POU2F1: variants seen among roughly 807,000 people sequenced by gnomAD.
The protein encoded by POU2F1 is POU class 2 homeobox 1, also known as POU domain, class 2, transcription factor 1.
POU2F1 carries 16 observed loss-of-function variants against 84.9 expected under a neutral mutation model. That is an observed-to-expected ratio of 0.19 (90% CI 0.13 to 0.29). POU2F1 has a LOEUF of 0.29. POU2F1 is among the 10% of genes least tolerant of loss of function. POU2F1 has a pLI of 1.00. For missense variants in POU2F1, 738 were observed against 942.6 expected (o/e 0.78, Z 2.84); for synonymous variants, 368 against 368.3 (o/e 1.00, Z 0.01).
intron 12 of POU2F1, among the ~76,000 whole-genome samples, chr1:167,399,614 A>G (rs1180482445): frequency 1.3e-5 from 2 of 151,766 alleles, no homozygotes; most frequent in South Asian, 2.1e-4. Context: ...GGAGGGTGAA[A>G]TCTCGTGTTG....
intron 1 of POU2F1, among the ~76,000 whole-genome samples, chr1:167,273,924 T>C (rs1652547242): frequency 6.6e-6 from 1 of 152,238 alleles, no homozygotes; most frequent in Non-Finnish European, 1.5e-5. Context: ...ATGTGTTTTA[T>C]TTTCTTCCTG....
At chr1:167,288,859 A>C (rs989970053) in intron 1 of POU2F1, among the ~76,000 whole-genome samples, 1 of 152,156 alleles carries the variant, frequency 6.6e-6, no homozygotes, top group African/African-American at 2.4e-5. Context: ...AGATTTCACA[A>C]TCATTAAATA....
At chr1:167,333,267 C>G (rs1277229739) in intron 2 of POU2F1, among the ~76,000 whole-genome samples, 2 of 152,076 alleles carry the variant, frequency 1.3e-5, no homozygotes, top group Non-Finnish European at 2.9e-5. Context: ...CAGTATATTG[C>G]TTAGAGGATG....
intron 1 of POU2F1, among the ~76,000 whole-genome samples, chr1:167,229,764 G>C (rs1171832043): frequency 6.6e-6 from 1 of 152,128 alleles, no homozygotes; most frequent in African/African-American, 2.4e-5. Flanking sequence ...GATTCTGTGG[G>C]GCACCTGACT....
intron 1 of POU2F1, among the ~76,000 whole-genome samples, chr1:167,222,651 A>C (rs1024003887): frequency 6.6e-6 from 1 of 152,004 alleles, no homozygotes; most frequent in Middle Eastern, 3.2e-3. Flanking sequence ...ACCAACTTCC[A>C]CACACTTTCC....
intron 12 of POU2F1, 113 bp from the exon 13 acceptor site, chr1:167,401,338 A>T (rs573708287): frequency 3.2e-6 from 2 of 630,168 alleles, no homozygotes; most frequent in African/African-American, 3.7e-5. Flanking sequence ...GCAGCTTTCC[A>T]ACATAGGATG....
rs140796646 is a variant in POU2F1, at chr1:167,374,018, C to A, written c.403-90C>A. ...AAGTTGGGTAGCTGGGGACTGATATCATTTGAGTTACCTATTTTAAAGCAG... is the reference window on the plus strand; with the variant it reads ...AAGTTGGGTAGCTGGGGACTGATATAATTTGAGTTACCTATTTTAAAGCAG... On this transcript the variant is annotated intron_variant, in intron 5 of 15. Transcript: ENST00000367866. 10 of 1,246,740 alleles carry A rather than the reference C, an allele frequency of 8.0e-6. No homozygotes were observed. The East Asian group carries it at 2.3e-4, about 29-fold the overall frequency. 77.2% of individuals were successfully genotyped at this position (1,246,740 alleles called of 1,614,324 possible). A position where few individuals can be genotyped will look rare whatever the true frequency, so the allele number is the denominator to read the frequency against.
chr1:167,257,113 T>C (rs1651196482), intron 1 of POU2F1, among the ~76,000 whole-genome samples: 1 of 152,204 alleles, frequency 6.6e-6, no homozygotes. Flanking sequence ...GTAGACTGTG[T>C]CCTGCAGGGA....
intron 1 of POU2F1, among the ~76,000 whole-genome samples, chr1:167,294,281 G>A (rs1013084969): frequency 5.3e-5 from 8 of 151,742 alleles, no homozygotes; most frequent in South Asian, 2.1e-4. Context: ...CCCGGGAGGC[G>A]GATCTTGCAG....
intron 1 of POU2F1, among the ~76,000 whole-genome samples, chr1:167,316,101 T>C (rs758253739): frequency 5.3e-5 from 8 of 152,160 alleles, no homozygotes; most frequent in Admixed American, 1.3e-4. Flanking sequence ...GTGACTGTCA[T>C]GGGGTAGCAG....
chr1:167,252,018 A>G (rs544037419), intron 1 of POU2F1, among the ~76,000 whole-genome samples: 93 of 79,036 alleles, frequency 1.2e-3, no homozygotes, highest in East Asian at 5.6e-3. Flanking sequence ...CTAATTTTGT[A>G]TATATATATA....
chr1:167,308,538 C>T (rs906087883), intron 1 of POU2F1, among the ~76,000 whole-genome samples: 3 of 152,124 alleles, frequency 2.0e-5, no homozygotes, highest in Admixed American at 1.3e-4. Context: ...CTCTCCCTCC[C>T]TTCCTCCTTC....
intron 7 of POU2F1, 175 bp from the exon 8 acceptor site, chr1:167,383,682 A>G: frequency 1.8e-6 from 1 of 561,372 alleles, no homozygotes; most frequent in South Asian, 2.3e-5. Flanking sequence ...CTTCTCTTCC[A>G]AGTTGTAAAA....
chr1:167,263,023 C>T (rs1571189936), intron 1 of POU2F1, among the ~76,000 whole-genome samples: 1 of 152,096 alleles, frequency 6.6e-6, no homozygotes, highest in Non-Finnish European at 1.5e-5. Flanking sequence ...TGATCTGAGC[C>T]ATACTTTTGG....
chr1:167,240,941 G>A (rs764259357), intron 1 of POU2F1, among the ~76,000 whole-genome samples: 1 of 152,102 alleles, frequency 6.6e-6, no homozygotes, highest in Non-Finnish European at 1.5e-5. Flanking sequence ...TTGGGAGTTC[G>A]AGACTAGCCT....
intron 2 of POU2F1, among the ~76,000 whole-genome samples, chr1:167,336,261 C>T (rs1657435979): frequency 6.6e-6 from 1 of 152,200 alleles, no homozygotes; most frequent in African/African-American, 2.4e-5. Flanking sequence ...TACTATACTA[C>T]TGTAATAATT....
chr1:167,384,054 T>A, intron 8 of POU2F1, 103 bp downstream of exon 8: 1 of 1,002,484 alleles, frequency 1.0e-6, no homozygotes. Context: ...AATAATTCGG[T>A]CTTCGAAAAC....
chr1:167,345,281 C>CT lies in POU2F1; in HGVS notation c.127+12753dup, dbSNP rs990931407. ...TGAAGTAGCCTAAAGTAGAAGATTC[C>CT]TTTTTTTGTTGTTTTTTAGGTGAGA... On this transcript the variant is annotated intron_variant, in intron 2 of 15. Coordinates refer to ENST00000367866, the MANE Select transcript of POU2F1 (RefSeq NM_002697.4). Among the ~76,000 whole-genome samples the CT allele has an allele frequency of 3.9e-5, 6 of 152,140 alleles. No individual in the cohort carries two copies. In the East Asian group the frequency reaches 1.2e-3, roughly 29 times the overall value.
At chr1:167,410,660 C>T (rs919054113) in intron 13 of POU2F1, among the ~76,000 whole-genome samples, 4 of 151,960 alleles carry the variant, frequency 2.6e-5, no homozygotes, top group Non-Finnish European at 5.9e-5. Context: ...GGATTACAGG[C>T]GCCCACCACC....
Sources: allele counts gnomAD v4.1 joint callset (sites outside exome capture counted in the v4.1 genomes callset), GRCh38; gene constraint gnomAD v4.1.1; transcripts MANE v1.5; gene names NCBI Gene and HGNC (gene_info 2026-07-23, HGNC 2026-07-21).